Variants in CCDC152 observed in about 807,000 individuals in gnomAD.
CCDC152 encodes coiled-coil domain containing 152.
CCDC152 carries 37 observed loss-of-function variants against 38.1 expected under a neutral mutation model. The observed-to-expected ratio is 0.97, with a 90% confidence interval of 0.75 to 1.28. The LOEUF (loss-of-function observed/expected upper bound fraction) is 1.28, where lower values mean the gene tolerates loss of function less well. Ranked by LOEUF, CCDC152 falls within the 50% of genes most tolerant of loss-of-function variation. The pLI, the probability that CCDC152 is intolerant of heterozygous loss-of-function variation, is 0.00. For synonymous variants in CCDC152, 83 were observed against 87.1 expected, an observed-to-expected ratio of 0.95 and a Z score of 0.26; for missense variants, 259 against 292.1, an observed-to-expected ratio of 0.89 and a Z score of 0.83.
At chr5:42,767,445 C>G (rs1561273054) in intron 3 of CCDC152, among the ~76,000 whole-genome samples, 1 of 151,952 alleles carries the variant, frequency 6.6e-6, no homozygotes, top group Non-Finnish European at 1.5e-5. Flanking sequence ...CATTTGAGCT[C>G]AAAATGATTA....
chr5:42,779,969 A>G (rs1265209377), intron 5 of CCDC152, among the ~76,000 whole-genome samples: 1 of 152,038 alleles, frequency 6.6e-6, no homozygotes, highest in East Asian at 1.9e-4. Flanking sequence ...ATCACAAATT[A>G]TTTCTCTCCC....
Position 42,800,061 on chromosome 5 carries a change from A to T in CCDC152, c.*280A>T. 2 of 303,812 alleles carry T rather than the reference A, an allele frequency of 6.6e-6. No individual in the cohort carries two copies. Among genetic ancestry groups the T allele is most frequent in the South Asian group, 5.9e-5 (1 of 16,892 alleles). 18.8% of individuals were successfully genotyped at this position (303,812 alleles called of 1,614,324 possible). The stretch of plus-strand genomic sequence containing the variant: ...AAGCAATATAGAGACAGACAATATT[A>T]TCTTTCCCCTTATATCTTTTAAGAC... On this transcript the variant is annotated 3_prime_UTR_variant, in exon 9 of 9. Coordinates refer to ENST00000361970, the MANE Select transcript of CCDC152 (RefSeq NM_001134848.2).
chr5:42,788,378 A>G (rs1759951183), intron 6 of CCDC152, among the ~76,000 whole-genome samples: 1 of 152,046 alleles, frequency 6.6e-6, no homozygotes, highest in African/African-American at 2.4e-5. Flanking sequence ...AAATAGCCAA[A>G]TTACCTATAA....
intron 6 of CCDC152, among the ~76,000 whole-genome samples, chr5:42,794,344 C>T (rs142871573): frequency 1.4e-4 from 21 of 152,282 alleles, no homozygotes; most frequent in African/African-American, 3.6e-4. Flanking sequence ...TGGTGCCCTA[C>T]GCCATTGAGC....
intron 3 of CCDC152, 59 bp from the exon 4 acceptor site, chr5:42,769,538 A>C: frequency 7.1e-7 from 1 of 1,398,960 alleles, no homozygotes; most frequent in Non-Finnish European, 9.4e-7. Flanking sequence ...TTCAACTGAG[A>C]GAATAATTCC....
In CCDC152 at chr5:42,801,973, G is replaced by A. The variant is rs1189239917; in HGVS notation, c.*2192G>A. ...GAACTATATGGAAACTTCTGTACCT[G>A]TGTCAACGGTGCATCTTATCTAATA... is the stretch of plus-strand genomic sequence containing the variant. On this transcript the variant is annotated 3_prime_UTR_variant, in exon 9 of 9. Transcript: ENST00000361970. The A allele has an allele frequency of 6.6e-6, 1 of 152,152 alleles. No homozygotes were observed. Among genetic ancestry groups the A allele is most frequent in the Admixed American group, 6.5e-5 (1 of 15,280 alleles). 9.4% of individuals were successfully genotyped at this position (152,152 alleles called of 1,614,324 possible).
At chr5:42,776,657 T>C (rs150858639) in intron 4 of CCDC152, among the ~76,000 whole-genome samples, 226 of 152,294 alleles carry the variant, frequency 1.5e-3, no homozygotes, top group African/African-American at 1.8e-3. Flanking sequence ...ATAGATCCCA[T>C]TGTGGTTTAT....
At chr5:42,798,885 G>T (rs16872756) in intron 7 of CCDC152, among the ~76,000 whole-genome samples, 2,730 of 152,270 alleles carry the variant, frequency 0.018, 145 homozygotes, top group South Asian at 0.18. Flanking sequence ...CGACAAGATC[G>T]TATTCAAATT....
chr5:42,759,407 C>G (rs1373481898), intron 2 of CCDC152, among the ~76,000 whole-genome samples, 199 bp downstream of exon 2: 1 of 152,198 alleles, frequency 6.6e-6, no homozygotes, highest in African/African-American at 2.4e-5. Flanking sequence ...ACTAATACAT[C>G]AAAATGTCCC....
At chr5:42,784,360 G>A (rs1431730411) in intron 6 of CCDC152, among the ~76,000 whole-genome samples, 1 of 152,146 alleles carries the variant, frequency 6.6e-6, no homozygotes, top group Non-Finnish European at 1.5e-5. Context: ...CTGATAATTA[G>A]TAATGTTGAA....
chr5:42,792,613 AC>A (rs1760019683), intron 6 of CCDC152, among the ~76,000 whole-genome samples: 1 of 152,190 alleles, frequency 6.6e-6, no homozygotes, highest in South Asian at 2.1e-4. Flanking sequence ...TGCTCCACAT[AC>A]CACTAAGGAT....
chr5:42,778,561 A>G (rs1759798067), intron 4 of CCDC152, among the ~76,000 whole-genome samples: 3 of 152,218 alleles, frequency 2.0e-5, no homozygotes, highest in Non-Finnish European at 4.4e-5. Flanking sequence ...TATTGTTTTC[A>G]GTTACCCAAA....
intron 2 of CCDC152, among the ~76,000 whole-genome samples, chr5:42,761,544 G>A (rs1186440130): frequency 1.3e-5 from 2 of 152,152 alleles, no homozygotes; most frequent in South Asian, 2.1e-4. Context: ...GAGCCCAGGA[G>A]GCAGAGGTTG....
At chr5:42,779,647 G>GTGTGTGT in intron 5 of CCDC152, 125 bp downstream of exon 5, 1 of 534,456 alleles carries the variant, frequency 1.9e-6, no homozygotes, top group South Asian at 3.3e-5. Context: ...GTGTGTGTGT[G>GTGTGTGT]GAGATATACG....
At chr5:42,760,814 CATA>C in intron 2 of CCDC152, among the ~76,000 whole-genome samples, 1 of 152,138 alleles carries the variant, frequency 6.6e-6, no homozygotes, top group Admixed American at 6.5e-5. Context: ...TGATTCCTAA[CATA>C]ATAAGAGATA....
At chr5:42,792,892 G>A (rs1243480961) in intron 6 of CCDC152, among the ~76,000 whole-genome samples, 1 of 152,142 alleles carries the variant, frequency 6.6e-6, no homozygotes, top group African/African-American at 2.4e-5. Flanking sequence ...AGATCTGAGA[G>A]GCTCATTGTC....
At chr5:42,759,098 A>G in intron 1 of CCDC152, 22 bp from the exon 2 acceptor site, 1 of 1,446,348 alleles carries the variant, frequency 6.9e-7, no homozygotes. Flanking sequence ...ATTTAACACT[A>G]TCTACTGTTT....
intron 5 of CCDC152, among the ~76,000 whole-genome samples, chr5:42,781,993 A>G (rs1238728320): frequency 6.6e-6 from 1 of 152,190 alleles, no homozygotes; most frequent in African/African-American, 2.4e-5. Context: ...ACTGTCTTCC[A>G]TCACCACTCT....
intron 3 of CCDC152, among the ~76,000 whole-genome samples, chr5:42,767,588 G>A (rs554361255): frequency 6.6e-6 from 1 of 152,236 alleles, no homozygotes; most frequent in South Asian, 2.1e-4. Flanking sequence ...CAAACAGTGT[G>A]GATTAAATTT....
Sources: gnomAD v4.1 joint callset for allele counts (sites outside exome capture counted in the v4.1 genomes callset) on GRCh38, gnomAD v4.1.1 for gene constraint, MANE v1.5 for transcripts, NCBI Gene and HGNC (gene_info 2026-07-23, HGNC 2026-07-21) for gene names.